Variants in CLIC5 observed in about 807,000 individuals in gnomAD.
CLIC5 encodes chloride intracellular channel protein 5.
CLIC5 carries 20 observed loss-of-function variants against 24.7 expected under a neutral mutation model. The ratio of observed to expected loss-of-function variants is 0.81; its 90% CI spans 0.57 to 1.18. The LOEUF (loss-of-function observed/expected upper bound fraction) is 1.18. Among genes scored for constraint, CLIC5 ranks in the 50% most tolerant of loss-of-function variants. CLIC5 has a pLI of 0.00. For synonymous variants in CLIC5, 159 were observed against 135.6 expected (o/e 1.17, Z -1.20); for missense variants, 341 against 326.1 (o/e 1.05, Z -0.35).
intron 1 of CLIC5, among the ~76,000 whole-genome samples, chr6:46,015,241 G>A (rs1292393052): frequency 1.3e-5 from 2 of 152,098 alleles, no homozygotes; most frequent in African/African-American, 2.4e-5. Context: ...AGGCGGGGAC[G>A]GGGGTGGACA....
At chr6:45,988,797 G>T (rs766065274) in intron 1 of CLIC5, among the ~76,000 whole-genome samples, 1 of 152,226 alleles carries the variant, frequency 6.6e-6, no homozygotes, top group Admixed American at 6.5e-5. Context: ...CCAGCCAATA[G>T]TGTGAGCACA....
At chr6:45,919,073 G>T (rs1763146098) in intron 4 of CLIC5, 1 of 985,416 alleles carries the variant, frequency 1.0e-6, no homozygotes, top group Non-Finnish European at 1.2e-6. Context: ...TAACCTCTGG[G>T]TGGTGGAAAA....
intron 1 of CLIC5, among the ~76,000 whole-genome samples, chr6:46,058,495 A>T (rs1768322806): frequency 6.6e-6 from 1 of 152,194 alleles, no homozygotes; most frequent in East Asian, 1.9e-4. Context: ...TGCCTTTCCT[A>T]CTCCTCCATG....
the CLIC5 span, among the ~76,000 whole-genome samples, chr6:46,129,049 T>C: frequency 3.3e-5 from 5 of 152,232 alleles, no homozygotes; most frequent in Admixed American, 2.6e-4. Flanking sequence ...ATTAAATACT[T>C]AACACTTGAG....
intron 1 of CLIC5, among the ~76,000 whole-genome samples, chr6:45,961,939 C>T (rs1197517637): frequency 6.6e-6 from 1 of 152,042 alleles, no homozygotes; most frequent in African/African-American, 2.4e-5. Flanking sequence ...ATGTAGACCA[C>T]TACCTGTGCA....
At chr6:45,936,019 C>A (rs1218645859) in intron 4 of CLIC5, among the ~76,000 whole-genome samples, 1 of 152,040 alleles carries the variant, frequency 6.6e-6, no homozygotes, top group Non-Finnish European at 1.5e-5. Context: ...CCTGGCTAGT[C>A]CTTCTTTCTC....
rs756208376 is a variant in CLIC5 at position 45,914,235 on chromosome 6, A to G, written c.581T>C (p.Val194Ala). Residue 194 changes from valine to alanine, a missense_variant, in exon 5 of 6, where the codon GTG becomes GCG. Physicochemically the swap from Val to Ala is moderately conservative, Grantham distance 64. Transcript: ENST00000339561. ...TGGGTAGAGCTCTCTTACCTTGACC[A>G]CATGGAGCTTGGGCAACAGATTGCA... is the stretch of plus-strand genomic sequence containing the variant. Reference protein sequence around the residue: ...ADCNLLPKLHVVKIVAKKYRN... With the variant: ...ADCNLLPKLHAVKIVAKKYRN... 13 of 1,593,404 alleles carry G rather than the reference A, an allele frequency of 8.2e-6. 1 individual carries two copies. The highest frequency in any genetic ancestry group is 1.1e-5 in the Non-Finnish European group (13 of 1,165,826).
At chr6:45,996,635 A>G (rs1290300725) in intron 1 of CLIC5, among the ~76,000 whole-genome samples, 1 of 152,188 alleles carries the variant, frequency 6.6e-6, no homozygotes, top group Non-Finnish European at 1.5e-5. Flanking sequence ...TTAATCTACA[A>G]TGAACTCAAA....
At chr6:46,048,703 A>G (rs2127464091) in intron 1 of CLIC5, among the ~76,000 whole-genome samples, 1 of 151,910 alleles carries the variant, frequency 6.6e-6, no homozygotes, top group Admixed American at 6.6e-5. Flanking sequence ...CCTGGGAGGG[A>G]GTTGAGGCTG....
At position 45,915,155 on chromosome 6, in the gene CLIC5, C is replaced by T. The variant is rs188665057; in HGVS notation, c.407-746G>A. On this transcript the variant is annotated intron_variant, in intron 4 of 5. Coordinates refer to ENST00000339561, the MANE Select transcript of CLIC5 (RefSeq NM_016929.5). ...ATATTGGCCAATATGGTCTCGATCT[C>T]CTGACCTCATGATCGGCCCGCCTTG... Among the ~76,000 whole-genome samples, 380 of 151,960 alleles carry T rather than the reference C, an allele frequency of 2.5e-3. 3 individuals carry two copies. Among genetic ancestry groups the T allele is most frequent in the African/African-American group, 8.5e-3 (351 of 41,490 alleles).
At chr6:46,012,276 G>A (rs1562003753) in intron 1 of CLIC5, among the ~76,000 whole-genome samples, 1 of 152,154 alleles carries the variant, frequency 6.6e-6, no homozygotes, top group East Asian at 1.9e-4. Context: ...AATTTGTTCA[G>A]GATCATTTAG....
At chr6:46,063,167 A>C (rs1762340772) in intron 1 of CLIC5, among the ~76,000 whole-genome samples, 1 of 152,190 alleles carries the variant, frequency 6.6e-6, no homozygotes, top group Admixed American at 6.5e-5. Flanking sequence ...TTTAATGATT[A>C]TTATCACTGG....
intron 1 of CLIC5, among the ~76,000 whole-genome samples, chr6:46,026,777 T>C (rs1767342208): frequency 6.6e-6 from 1 of 152,068 alleles, no homozygotes; most frequent in South Asian, 2.1e-4. Flanking sequence ...GCATGTGGGG[T>C]GCTCCCACCC....
chr6:46,050,919 T>A (rs1205486738), intron 1 of CLIC5, among the ~76,000 whole-genome samples: 1 of 151,792 alleles, frequency 6.6e-6, no homozygotes, highest in Non-Finnish European at 1.5e-5. Context: ...GGACAGAATT[T>A]CTCAAACTTC....
At chr6:45,955,557 A>G (rs905724142) in intron 1 of CLIC5, among the ~76,000 whole-genome samples, 1 of 151,002 alleles carries the variant, frequency 6.6e-6, no homozygotes, top group African/African-American at 2.4e-5. Flanking sequence ...CACAAATGAT[A>G]TTGGAATGCC....
At chr6:45,923,544 TCCAGTTG>T (rs1763356545) in intron 4 of CLIC5, among the ~76,000 whole-genome samples, 2 of 152,248 alleles carry the variant, frequency 1.3e-5, no homozygotes, top group South Asian at 4.1e-4. Context: ...CAAATTCTCT[TCCAGTTG>T]CCCATTCTTT....
chr6:46,034,859 GC>G (rs894835987), intron 1 of CLIC5, among the ~76,000 whole-genome samples: 2 of 152,170 alleles, frequency 1.3e-5, no homozygotes, highest in African/African-American at 2.4e-5. Context: ...TGTCATTTGG[GC>G]ATTATAGAGA....
chr6:45,951,295 G>C (rs1364453933), intron 2 of CLIC5, among the ~76,000 whole-genome samples: 1 of 152,210 alleles, frequency 6.6e-6, no homozygotes, highest in Non-Finnish European at 1.5e-5. Context: ...GAAAGGCCTA[G>C]ATGATGGAGA....
At chr6:46,090,419 T>TC in the CLIC5 span, among the ~76,000 whole-genome samples, 1 of 151,788 alleles carries the variant, frequency 6.6e-6, no homozygotes, top group Non-Finnish European at 1.5e-5. Context: ...TTTTTTTTTT[T>TC]CCACTTCCCA....
Sources: gnomAD v4.1 joint callset for allele counts (sites outside exome capture counted in the v4.1 genomes callset) on GRCh38, gnomAD v4.1.1 for gene constraint, MANE v1.5 for transcripts, NCBI Gene and HGNC (gene_info 2026-07-23, HGNC 2026-07-21) for gene names.